Variants in POLR3C observed in about 807,000 individuals in gnomAD.
POLR3C encodes the protein RNA polymerase III subunit C, also known as DNA-directed RNA polymerase III subunit RPC3.
A neutral mutation model predicts 65.9 loss-of-function variants in POLR3C; 44 were observed. The observed-to-expected ratio is 0.67, with a 90% CI of 0.52 to 0.86. The LOEUF (loss-of-function observed/expected upper bound fraction) is 0.86. POLR3C is among the 40% of genes least tolerant of loss of function. The pLI, the probability that POLR3C is intolerant of heterozygous loss-of-function variation, is 0.00. For synonymous variants in POLR3C, 263 were observed against 231.6 expected, an observed-to-expected ratio of 1.14 and a Z score of -1.23; for missense variants, 576 against 653.2, an observed-to-expected ratio of 0.88 and a Z score of 1.29.
rs764062092 is a variant in POLR3C at position 145,843,785 on chromosome 1, TAAC to T, written c.*1368_*1370del. Among the ~76,000 whole-genome samples the T allele has an allele frequency of 9.9e-5, 15 of 152,192 alleles. No homozygotes were observed. The highest frequency in any genetic ancestry group is 3.6e-4 in the African/African-American group (15 of 41,438). On this transcript the variant is annotated 3_prime_UTR_variant, in exon 15 of 15. Coordinates refer to ENST00000334163, the MANE Select transcript of POLR3C (RefSeq NM_006468.8). ...AGGATGCTTTATTTGCAAACTATCT[TAAC>T]AAGGGATTCGTAACCAGAATATATA...
At position 145,828,807 on chromosome 1, in the gene POLR3C, G is replaced by A. The variant is rs144108890; in HGVS notation, c.648G>A (p.Lys216=). 1 of 1,603,234 alleles carries A rather than the reference G, an allele frequency of 6.2e-7. No individual in the cohort carries two copies. The highest frequency in any genetic ancestry group is 1.3e-5 in the African/African-American group (1 of 74,690). The change falls in exon 5 of 15, where the codon AAG becomes AAA. Residue 216 remains lysine, a synonymous_variant. Coordinates refer to ENST00000334163, the MANE Select transcript of POLR3C (RefSeq NM_006468.8). ...ATGCTGCTGGGGAGCCCAAGGCCAA[G>A]AGACCAAAATATACTACAGATAACA... ...DEDAAGEPKA[K]RPKYTTDNKE...
intron 9 of POLR3C, among the ~76,000 whole-genome samples, chr1:145,837,228 G>A (rs587703157): frequency 2.0e-5 from 3 of 152,242 alleles, no homozygotes; most frequent in Non-Finnish European, 2.9e-5. Context: ...GATCGCTAGA[G>A]CCCAGGAGAC....
chr1:145,837,469 G>T, intron 9 of POLR3C, 67 bp from the exon 10 acceptor site: 1 of 741,166 alleles, frequency 1.3e-6, no homozygotes, highest in East Asian at 2.8e-5. Context: ...AGAAACTTAG[G>T]AATAAAACTC....
At chr1:145,828,494 A>G (rs781982697) in intron 4 of POLR3C, among the ~76,000 whole-genome samples, 1 of 152,342 alleles carries the variant, frequency 6.6e-6, no homozygotes, top group Admixed American at 6.5e-5. Flanking sequence ...TGACTTGCAC[A>G]TGTGGGAGGA....
At chr1:145,825,972 T>G (rs1650706804) in intron 2 of POLR3C, 49 bp downstream of exon 2, 1 of 1,431,642 alleles carries the variant, frequency 7.0e-7, no homozygotes, top group South Asian at 1.2e-5. Context: ...ACTAATTTAT[T>G]TCACCCACCT....
intron 5 of POLR3C, 30 bp downstream of exon 5, chr1:145,828,867 A>G: frequency 8.2e-7 from 1 of 1,215,652 alleles, no homozygotes. Context: ...AGAAGTCCTC[A>G]CCCTGAAGCA....
chr1:145,833,671 G>A (rs1651540982), intron 7 of POLR3C, 89 bp downstream of exon 7: 1 of 864,158 alleles, frequency 1.2e-6, no homozygotes, highest in Non-Finnish European at 2.0e-6. Flanking sequence ...TTGGGTTGAG[G>A]TCTGAGCCTT....
chr1:145,839,901 AAC>A lies in POLR3C; in HGVS notation c.1236_1237del (p.Pro413ArgfsTer40). On this transcript the variant is annotated frameshift_variant, in exon 12 of 15. Coordinates refer to ENST00000334163, the MANE Select transcript of POLR3C (RefSeq NM_006468.8). LOFTEE classifies it high-confidence loss of function. ...NFMSLQEIPKTPDHAPSRTFY... is the reference protein window; with the variant it reads ...NFMSLQEIPKXPDHAPSRTFY... ...TATTGGACAAATAGGAAATTCCCAA[AAC>A]ACCAGACCATGCCCCATCCAGGACC... 6.3e-7 allele frequency: 1 copy of A among 1,596,700 alleles called. No homozygotes were observed. Among genetic ancestry groups the A allele is most frequent in the Non-Finnish European group, 8.6e-7 (1 of 1,164,330 alleles).
At chr1:145,838,666 AAC>A (rs782447305) in intron 11 of POLR3C, among the ~76,000 whole-genome samples, 25 of 152,142 alleles carry the variant, frequency 1.6e-4, no homozygotes, top group Non-Finnish European at 3.1e-4. Context: ...TAGCCTGAGC[AAC>A]AGAGTGAGAC....
Position 145,825,936 on chromosome 1 carries a change from G to A in POLR3C, c.147+13G>A. ...ATCACTGGATCAGGTATGTCTAAAT[G>A]ACATTCATTTTCTCTCATTTCTTTC... On this transcript the variant is annotated intron_variant, in intron 2 of 14. Transcript: ENST00000334163. 5.0e-6 allele frequency: 8 copies of A among 1,587,354 alleles called. No individual in the cohort carries two copies. The highest frequency in any genetic ancestry group is 6.9e-6 in the Non-Finnish European group (8 of 1,158,258).
chr1:145,831,325 G>A (rs1570730708), intron 5 of POLR3C, among the ~76,000 whole-genome samples: 1 of 152,118 alleles, frequency 6.6e-6, no homozygotes, highest in East Asian at 1.9e-4. Flanking sequence ...GACCAGCCTG[G>A]CCAAGATGGC....
chr1:145,826,533 AAGCCCAGTGC>A lies in POLR3C; in HGVS notation c.232_241del (p.Gln78GlyfsTer25). 2 of 1,613,938 alleles carry A rather than the reference AAGCCCAGTGC, an allele frequency of 1.2e-6. No individual in the cohort carries two copies. The highest frequency in any genetic ancestry group is 3.3e-4 in the Middle Eastern group (2 of 6,062). On this transcript the variant is annotated frameshift_variant, in exon 3 of 15. Coordinates refer to ENST00000334163, the MANE Select transcript of POLR3C (RefSeq NM_006468.8). LOFTEE classifies it high-confidence loss of function. ...CACAAACGTGGTGTGGTGGAGTATG[AAGCCCAGTGC>A]AGCCGGGTATTGCGAATGCTTAGAT...
chr1:145,827,779 A>AAAAAT (rs1491254351), intron 4 of POLR3C, among the ~76,000 whole-genome samples: 2 of 142,994 alleles, frequency 1.4e-5, no homozygotes, highest in African/African-American at 2.7e-5. Flanking sequence ...AAAAAAAAAA[A>AAAAAT]TAGCCAGGTA....
chr1:145,838,370 G>C (rs1334339416), intron 11 of POLR3C, among the ~76,000 whole-genome samples, 164 bp downstream of exon 11: 1 of 152,136 alleles, frequency 6.6e-6, no homozygotes, highest in Non-Finnish European at 1.5e-5. Context: ...GGATAATTTG[G>C]GGCCTTAACT....
intron 11 of POLR3C, 25 bp downstream of exon 11, chr1:145,838,231 T>G: frequency 6.2e-7 from 1 of 1,603,772 alleles, no homozygotes. Context: ...GCGTAATAAT[T>G]GCCAACCAGC....
chr1:145,842,278 T>G, intron 14 of POLR3C, 61 bp from the exon 15 acceptor site: 1 of 1,046,090 alleles, frequency 9.6e-7, no homozygotes, highest in Non-Finnish European at 1.5e-6. Context: ...CACCCTAACC[T>G]CTAATCTTAA....
At chr1:145,837,917 A>G in intron 10 of POLR3C, 139 bp from the exon 11 acceptor site, 1 of 735,688 alleles carries the variant, frequency 1.4e-6, no homozygotes, top group Non-Finnish European at 2.2e-6. Context: ...CAACCTATGG[A>G]GCTGTAGAAT....
intron 11 of POLR3C, among the ~76,000 whole-genome samples, chr1:145,838,644 G>GCA (rs1652051064): frequency 1.3e-5 from 2 of 152,056 alleles, no homozygotes; most frequent in African/African-American, 4.8e-5. Context: ...CCGAGATCAA[G>GCA]CCACTGCACT....
chr1:145,838,194 C>G lies in POLR3C; in HGVS notation c.1209C>G (p.Phe403Leu), dbSNP rs782691197. Residue 403 changes from phenylalanine to leucine, a missense_variant, in exon 11 of 15, where the codon TTC (phenylalanine) becomes TTG (leucine). Physicochemically the swap from Phe to Leu is conservative, Grantham distance 22 (BLOSUM62 0). Coordinates refer to ENST00000334163, the MANE Select transcript of POLR3C (RefSeq NM_006468.8). Reference protein sequence around the residue: ...DMLYKMLSENFMSLQEIPKTP... With the variant: ...DMLYKMLSENLMSLQEIPKTP... ...TATATAAGATGCTCTCAGAAAATTTCATGTCACTCCAGGTAACCAACCAAG... is the reference window on the plus strand; with the variant it reads ...TATATAAGATGCTCTCAGAAAATTTGATGTCACTCCAGGTAACCAACCAAG... The G allele has an allele frequency of 8.1e-6, 13 of 1,613,558 alleles. No homozygotes were observed. Among genetic ancestry groups the G allele is most frequent in the Non-Finnish European group, 1.1e-5 (13 of 1,179,500 alleles).
Sources: allele counts gnomAD v4.1 joint callset (sites outside exome capture counted in the v4.1 genomes callset), GRCh38; gene constraint gnomAD v4.1.1; transcripts MANE v1.5; gene names NCBI Gene and HGNC (gene_info 2026-07-23, HGNC 2026-07-21).